SLC16A9: variants seen among roughly 807,000 people sequenced by gnomAD.
SLC16A9 encodes the protein monocarboxylate transporter 9.
SLC16A9 carries 26 observed loss-of-function variants against 44.3 expected under a neutral mutation model. The ratio of observed to expected loss-of-function variants is 0.59; its 90% CI spans 0.43 to 0.81. The LOEUF (loss-of-function observed/expected upper bound fraction) is 0.81. Among genes scored for constraint, SLC16A9 ranks in the 40% least tolerant of loss-of-function variants. The pLI is 0.00. For synonymous variants in SLC16A9, 230 were observed against 225.1 expected (o/e 1.02, Z -0.19); for missense variants, 559 against 595.8 (o/e 0.94, Z 0.64).
rs578209095 is a variant in SLC16A9 at position 59,695,611 on chromosome 10, C to T, written c.-36-11284G>A. 1.8e-4 allele frequency among the ~76,000 whole-genome samples: 27 copies of T among 152,270 alleles called. 1 individual carries two copies. Among genetic ancestry groups the T allele is most frequent in the South Asian group, 1.5e-3 (7 of 4,818 alleles). ...TCCACTCTCCCCACCTATACCTACA[C>T]CCAAATTTCTAACCTAGTAACAGGT... On this transcript the variant is annotated intron_variant, in intron 1 of 5. Transcript: ENST00000395348.
intron 1 of SLC16A9, among the ~76,000 whole-genome samples, chr10:59,698,988 T>C (rs1019739816): frequency 1.3e-5 from 2 of 152,142 alleles, no homozygotes; most frequent in African/African-American, 4.8e-5. Flanking sequence ...AGTTGATCTG[T>C]CTGCCTCAGC....
intron 4 of SLC16A9, among the ~76,000 whole-genome samples, chr10:59,657,760 T>A (rs1256223576): frequency 6.6e-6 from 1 of 152,170 alleles, no homozygotes; most frequent in Non-Finnish European, 1.5e-5. Flanking sequence ...GCCTTACACA[T>A]ACATCCCTTT....
At chr10:59,678,998 G>C (rs1027135992) in intron 2 of SLC16A9, among the ~76,000 whole-genome samples, 4 of 152,068 alleles carry the variant, frequency 2.6e-5, no homozygotes, top group African/African-American at 9.7e-5. Flanking sequence ...TCAGCAAGTG[G>C]GCCTGGCCAT....
chr10:59,686,229 T>G (rs2132499541), intron 1 of SLC16A9, among the ~76,000 whole-genome samples: 1 of 152,346 alleles, frequency 6.6e-6, no homozygotes, highest in East Asian at 1.9e-4. Context: ...AAAGTCCTTT[T>G]ACCATATTTT....
intron 1 of SLC16A9, among the ~76,000 whole-genome samples, chr10:59,707,553 AAGATGGT>A (rs139619755): frequency 0.021 from 3,063 of 147,802 alleles, 131 homozygotes; most frequent in African/African-American, 0.072. Context: ...GAAAATTGTT[AAGATGGT>A]AGATTTGAAG....
chr10:59,681,405 ATATATG>A (rs60205519), intron 2 of SLC16A9, among the ~76,000 whole-genome samples: 3,540 of 17,804 alleles, frequency 0.2, 1,262 homozygotes, highest in East Asian at 0.22. Flanking sequence ...TAAAGTATAT[ATATATG>A]TATATGTATA....
At chr10:59,704,001 G>A (rs897554678) in intron 1 of SLC16A9, among the ~76,000 whole-genome samples, 1 of 152,140 alleles carries the variant, frequency 6.6e-6, no homozygotes. Flanking sequence ...GATGACAGGC[G>A]TGAGCCACTG....
chr10:59,665,402 C>T (rs1280582695), intron 3 of SLC16A9, among the ~76,000 whole-genome samples: 1 of 152,172 alleles, frequency 6.6e-6, no homozygotes, highest in Non-Finnish European at 1.5e-5. Flanking sequence ...TTAACAAATA[C>T]ACTGCATAAA....
intron 3 of SLC16A9, among the ~76,000 whole-genome samples, chr10:59,667,075 A>T (rs1338754915): frequency 6.6e-6 from 1 of 152,200 alleles, no homozygotes; most frequent in Non-Finnish European, 1.5e-5. Flanking sequence ...TTGATAGCCA[A>T]TGCATGAAGC....
chr10:59,687,363 A>C (rs960615479), intron 1 of SLC16A9, among the ~76,000 whole-genome samples: 2 of 152,238 alleles, frequency 1.3e-5, no homozygotes, highest in African/African-American at 4.8e-5. Flanking sequence ...TTACGAAGTT[A>C]AGAAAGTAAT....
At chr10:59,702,167 T>C (rs149142983) in intron 1 of SLC16A9, among the ~76,000 whole-genome samples, 1 of 152,310 alleles carries the variant, frequency 6.6e-6, no homozygotes, top group East Asian at 1.9e-4. Context: ...ATGAACTGAG[T>C]GCATTTAGAA....
At position 59,663,544 on chromosome 10, in the gene SLC16A9, T is replaced by A. The variant is rs34400023; in HGVS notation, c.436+683A>T. Among the ~76,000 whole-genome samples, 384 of 142,742 alleles carry A rather than the reference T, an allele frequency of 2.7e-3. 10 individuals are homozygous for A. In the East Asian group the frequency reaches 0.063, roughly 23 times the overall value. The allele number at this position is 142,742 out of a possible 152,430, so 93.6% of individuals were successfully genotyped here. ...AACACCACATGTTCTCACTGATAAG[T>A]GGGAGTTGAACAATGAGAACATATA... On this transcript the variant is annotated intron_variant, in intron 4 of 5. Coordinates refer to ENST00000395348, the MANE Select transcript of SLC16A9 (RefSeq NM_194298.3).
At chr10:59,689,060 C>G (rs1840197816) in intron 1 of SLC16A9, among the ~76,000 whole-genome samples, 1 of 152,066 alleles carries the variant, frequency 6.6e-6, no homozygotes, top group African/African-American at 2.4e-5. Context: ...AGAGAGCAAA[C>G]CTTGGAAATA....
chr10:59,698,615 G>A (rs1840452847), intron 1 of SLC16A9, among the ~76,000 whole-genome samples: 1 of 152,174 alleles, frequency 6.6e-6, no homozygotes, highest in Admixed American at 6.5e-5. Flanking sequence ...CAGCAGCCAA[G>A]GAAAAGACCC....
intron 1 of SLC16A9, among the ~76,000 whole-genome samples, chr10:59,703,262 C>CAAAT (rs1840564432): frequency 1.3e-5 from 2 of 152,332 alleles, no homozygotes; most frequent in East Asian, 3.9e-4. Flanking sequence ...GCTAGGACTA[C>CAAAT]AGGCAGGTGC....
intron 4 of SLC16A9, among the ~76,000 whole-genome samples, chr10:59,655,396 A>G (rs1486630318): frequency 2.6e-5 from 4 of 152,226 alleles, no homozygotes; most frequent in Non-Finnish European, 4.4e-5. Flanking sequence ...TTTATTCCAG[A>G]AAAGTAAATT....
chr10:59,661,794 C>T (rs966293194), intron 4 of SLC16A9, among the ~76,000 whole-genome samples: 25 of 136,126 alleles, frequency 1.8e-4, no homozygotes, highest in African/African-American at 6.8e-4. Context: ...GAGATATAGA[C>T]CAATAGAACA....
chr10:59,656,455 G>A (rs997097908), intron 4 of SLC16A9, among the ~76,000 whole-genome samples: 1 of 152,158 alleles, frequency 6.6e-6, no homozygotes, highest in African/African-American at 2.4e-5. Flanking sequence ...TCAACATGAT[G>A]AAAATCAATT....
intron 1 of SLC16A9, among the ~76,000 whole-genome samples, chr10:59,707,296 AGGG>A: frequency 1.2e-5 from 1 of 80,704 alleles, no homozygotes; most frequent in Admixed American, 1.6e-4. Flanking sequence ...AGGGAAGGGA[AGGG>A]AAGGGAAGGG....
Sources: gnomAD v4.1 joint callset for allele counts (sites outside exome capture counted in the v4.1 genomes callset) on GRCh38, gnomAD v4.1.1 for gene constraint, MANE v1.5 for transcripts, NCBI Gene and HGNC (gene_info 2026-07-23, HGNC 2026-07-21) for gene names.